HCFC2: variants seen among roughly 807,000 people sequenced by gnomAD.
HCFC2 encodes the protein host cell factor 2.
In HCFC2, 18 loss-of-function variants were observed where a neutral mutation model predicts 89.2. That is an observed-to-expected ratio of 0.20 (90% CI 0.14 to 0.30). The LOEUF (loss-of-function observed/expected upper bound fraction) is 0.30. Ranked by LOEUF, HCFC2 falls within the 10% of genes least tolerant of loss-of-function variation. The pLI is 1.00. For synonymous variants in HCFC2, 308 were observed against 335.7 expected (o/e 0.92, Z 0.90); for missense variants, 578 against 956.1 (o/e 0.60, Z 5.21).
intron 9 of HCFC2, among the ~76,000 whole-genome samples, chr12:104,091,331 C>G (rs570150955): frequency 6.6e-6 from 1 of 152,172 alleles, no homozygotes; most frequent in Non-Finnish European, 1.5e-5. Flanking sequence ...AGGCCTCCAG[C>G]GTTTTCTTGT....
chr12:104,085,385 A>G (rs1593602271), intron 7 of HCFC2, among the ~76,000 whole-genome samples: 1 of 152,202 alleles, frequency 6.6e-6, no homozygotes, highest in East Asian at 1.9e-4. Flanking sequence ...TATCTTTGAA[A>G]TTGGAAATTA....
intron 3 of HCFC2, among the ~76,000 whole-genome samples, chr12:104,076,621 A>G (rs914518307): frequency 4.0e-5 from 6 of 150,880 alleles, no homozygotes. Flanking sequence ...TGCCCCCACC[A>G]CCAACCCTGA....
intron 7 of HCFC2, among the ~76,000 whole-genome samples, chr12:104,083,478 C>T (rs555018413): frequency 6.6e-6 from 1 of 152,184 alleles, no homozygotes; most frequent in Admixed American, 6.5e-5. Flanking sequence ...GACATTACAA[C>T]TGAATGTGAT....
Position 104,104,821 on chromosome 12 carries a change from T to C in HCFC2, c.*1548T>C, listed in dbSNP as rs2030045585. Reference sequence around the variant, plus strand: ...CACATAATGAGTGGTTTCCAAACTCTAAAGATAAAATAAATGCACTACTAT... The same window carrying C: ...CACATAATGAGTGGTTTCCAAACTCCAAAGATAAAATAAATGCACTACTAT... On this transcript the variant is annotated 3_prime_UTR_variant, in exon 15 of 15. Transcript: ENST00000229330. 6.6e-6 allele frequency: 1 copy of C among 152,060 alleles called. No individual in the cohort carries two copies. Among genetic ancestry groups the C allele is most frequent in the Non-Finnish European group, 1.5e-5 (1 of 67,894 alleles). 9.4% of individuals were successfully genotyped at this position (152,060 alleles called of 1,614,324 possible).
At chr12:104,085,807 C>T (rs1031261874) in intron 7 of HCFC2, among the ~76,000 whole-genome samples, 1 of 151,264 alleles carries the variant, frequency 6.6e-6, no homozygotes, top group Admixed American at 6.6e-5. Flanking sequence ...GTTCTTTGCT[C>T]GCACCTTTCC....
At chr12:104,088,268 A>G (rs949076763) in intron 9 of HCFC2, among the ~76,000 whole-genome samples, 7 of 152,228 alleles carry the variant, frequency 4.6e-5, no homozygotes, top group Non-Finnish European at 2.9e-5. Context: ...TTTTGAAGAA[A>G]GCTTCACAGA....
intron 3 of HCFC2, among the ~76,000 whole-genome samples, chr12:104,070,512 C>T (rs1883288675): frequency 6.6e-6 from 1 of 152,120 alleles, no homozygotes; most frequent in South Asian, 2.1e-4. Flanking sequence ...AGCCTGTTTC[C>T]TTCACTGTGA....
At chr12:104,100,004 A>G (rs963004273) in intron 13 of HCFC2, among the ~76,000 whole-genome samples, 1 of 152,176 alleles carries the variant, frequency 6.6e-6, no homozygotes, top group South Asian at 2.1e-4. Context: ...ACTAGCACAA[A>G]TAAGAGTTTT....
rs755396547 is a variant in HCFC2 at position 104,102,165 on chromosome 12, G to C, written c.2064+12G>C. On this transcript the variant is annotated intron_variant, in intron 14 of 14. Coordinates refer to ENST00000229330, the MANE Select transcript of HCFC2 (RefSeq NM_013320.3). ...TCAGAATTTCAAAGGTGAGACATCG[G>C]GTCAAGACTTGTTGGTGATTTTAAA... is the stretch of plus-strand genomic sequence containing the variant. The C allele has an allele frequency of 6.2e-7, 1 of 1,605,328 alleles. No individual in the cohort carries two copies. The highest frequency in any genetic ancestry group is 1.3e-5 in the African/African-American group (1 of 74,760).
chr12:104,093,379 C>T lies in HCFC2; in HGVS notation c.1285-7C>T. 3 of 1,596,470 alleles carry T rather than the reference C, an allele frequency of 1.9e-6. No homozygotes were observed. The South Asian group carries it at 3.4e-5, about 18-fold the overall frequency. On this transcript the variant is annotated splice_region_variant and splice_polypyrimidine_tract_variant and intron_variant, in intron 9 of 14. Transcript: ENST00000229330. ...CTTACTACAGTAATCTGTTATATTT[C>T]TTGTAGATCAATGATACAATAAACA...
chr12:104,080,276 CT>C (rs1883645701), intron 4 of HCFC2, among the ~76,000 whole-genome samples: 1 of 152,204 alleles, frequency 6.6e-6, no homozygotes, highest in Non-Finnish European at 1.5e-5. Flanking sequence ...AGGACCTCCC[CT>C]AATACCAAAA....
At position 104,105,466 on chromosome 12, in the gene HCFC2, A is replaced by AAG. The variant is rs1370697631; in HGVS notation, c.*2194_*2195insGA. 3 of 152,048 alleles carry AAG rather than the reference A, an allele frequency of 2.0e-5. No homozygotes were observed. Among genetic ancestry groups the AAG allele is most frequent in the African/African-American group, 7.2e-5 (3 of 41,454 alleles). The allele number at this position is 152,048 out of a possible 1,614,324, so 9.4% of individuals were successfully genotyped here. A position where few individuals can be genotyped will look rare whatever the true frequency, so the allele number is the denominator to read the frequency against. On this transcript the variant is annotated 3_prime_UTR_variant, in exon 15 of 15. Coordinates refer to ENST00000229330, the MANE Select transcript of HCFC2 (RefSeq NM_013320.3). ...TCTTCTGGATCAGGAGGTGATTCTG[A>AAG]ACCTGTGGTTCTAACATATGACTTA...
In HCFC2 at chr12:104,095,914, A is replaced by G. The variant is rs1007631561; in HGVS notation, c.1666+351A>G. 1.3e-5 allele frequency among the ~76,000 whole-genome samples: 2 copies of G among 152,214 alleles called. No individual in the cohort carries two copies. Among genetic ancestry groups the G allele is most frequent in the Non-Finnish European group, 2.9e-5 (2 of 68,022 alleles). On this transcript the variant is annotated intron_variant, in intron 11 of 14. Transcript: ENST00000229330. This position sits in a 1 kb window ranked among gnomAD's most constrained non-coding sequence, Gnocchi z 4.2. ...TAAAATATTTAGATTAGCACACACT[A>G]TTGAAATACAATCAGAATGTGTCTT... is the stretch of plus-strand genomic sequence containing the variant.
intron 3 of HCFC2, among the ~76,000 whole-genome samples, chr12:104,071,948 C>G (rs1199893244): frequency 2.0e-5 from 3 of 152,160 alleles, no homozygotes; most frequent in Non-Finnish European, 4.4e-5. Flanking sequence ...TTTAGCCATT[C>G]ATATATCTTT....
intron 3 of HCFC2, among the ~76,000 whole-genome samples, chr12:104,077,211 T>C (rs1883521712): frequency 6.6e-6 from 1 of 152,092 alleles, no homozygotes; most frequent in Non-Finnish European, 1.5e-5. Context: ...TGGGGCTTTT[T>C]TGTTTTTTGT....
At chr12:104,079,758 A>C (rs1883622992) in intron 4 of HCFC2, 105 bp downstream of exon 4, 1 of 819,830 alleles carries the variant, frequency 1.2e-6, no homozygotes. Context: ...ATTTATAACC[A>C]GCACTTGTAG....
intron 7 of HCFC2, among the ~76,000 whole-genome samples, chr12:104,084,153 C>T (rs1214029090): frequency 1.3e-5 from 2 of 152,144 alleles, no homozygotes; most frequent in African/African-American, 2.4e-5. Flanking sequence ...AATATAGCAG[C>T]GAACAAGACT....
chr12:104,067,893 T>C, intron 2 of HCFC2, 54 bp from the exon 3 acceptor site: 1 of 1,507,566 alleles, frequency 6.6e-7, no homozygotes. Flanking sequence ...ATTGACAATA[T>C]AGGAGTGCTT....
chr12:104,084,495 A>G (rs974140011), intron 7 of HCFC2, among the ~76,000 whole-genome samples: 1 of 152,238 alleles, frequency 6.6e-6, no homozygotes, highest in Non-Finnish European at 1.5e-5. Context: ...GTTTGGCAAC[A>G]GATTTGAGCT....
Sources: allele counts gnomAD v4.1 joint callset (sites outside exome capture counted in the v4.1 genomes callset), GRCh38; gene constraint gnomAD v4.1.1; non-coding constraint Gnocchi (gnomAD v3.1); transcripts MANE v1.5; gene names NCBI Gene and HGNC (gene_info 2026-07-23, HGNC 2026-07-21).